CALN1: variants seen among roughly 807,000 people sequenced by gnomAD.
CALN1 encodes the protein calneuron 1, also known as calcium-binding protein 8.
CALN1 carries 17 observed loss-of-function variants against 30.6 expected under a neutral mutation model. The observed-to-expected ratio is 0.56, with a 90% CI of 0.38 to 0.83. CALN1 has a LOEUF of 0.83. Among genes scored for constraint, CALN1 ranks in the 40% least tolerant of loss-of-function variants. The pLI, the probability that CALN1 is intolerant of heterozygous loss-of-function variation, is 0.00. For missense variants in CALN1, 291 were observed against 354.9 expected, an observed-to-expected ratio of 0.82 and a Z score of 1.45; for synonymous variants, 156 against 131.4, an observed-to-expected ratio of 1.19 and a Z score of -1.28.
intron 5 of CALN1, among the ~76,000 whole-genome samples, chr7:71,845,100 T>C (rs1278761057): frequency 6.6e-6 from 1 of 152,082 alleles, no homozygotes; most frequent in Non-Finnish European, 1.5e-5. Flanking sequence ...GCCAGGCTGG[T>C]CTCGAACTCC....
intron 2 of CALN1, among the ~76,000 whole-genome samples, chr7:72,348,405 C>T (rs1327191139): frequency 3.9e-5 from 6 of 152,078 alleles, no homozygotes; most frequent in Admixed American, 3.9e-4. Flanking sequence ...ATTGAGGGAT[C>T]AGAGTTCATG....
rs1430534826 is a variant in CALN1 at position 72,036,069 on chromosome 7, AT to A, written c.389-12301del. ...CCCTCAGATTTTTGTTTATCTAAAA[AT>A]GTCTTAATTTCTCCCTCACCTTTGA... On this transcript the variant is annotated intron_variant, in intron 4 of 6. Transcript: ENST00000395275. Among the ~76,000 whole-genome samples, 3 of 152,236 alleles carry A rather than the reference AT, an allele frequency of 2.0e-5. No homozygotes were observed. In the East Asian group the frequency reaches 5.8e-4, roughly 29 times the overall value.
At chr7:72,375,584 A>G (rs1377537539) in intron 2 of CALN1, among the ~76,000 whole-genome samples, 7 of 146,186 alleles carry the variant, frequency 4.8e-5, no homozygotes, top group East Asian at 2.0e-4. Context: ...AAAAAAAAAG[A>G]AAAGGAAAAA....
At chr7:72,199,833 A>G (rs1791296361) in intron 3 of CALN1, among the ~76,000 whole-genome samples, 1 of 152,044 alleles carries the variant, frequency 6.6e-6, no homozygotes, top group African/African-American at 2.4e-5. Flanking sequence ...GAGTCCCAAC[A>G]AACAAAACAA....
At chr7:72,051,334 T>C (rs1037435089) in intron 4 of CALN1, among the ~76,000 whole-genome samples, 1 of 152,140 alleles carries the variant, frequency 6.6e-6, no homozygotes, top group African/African-American at 2.4e-5. Context: ...CTGTACTTTG[T>C]ATAACCAAAA....
chr7:72,014,372 C>T (rs1800262915), intron 5 of CALN1, among the ~76,000 whole-genome samples: 1 of 151,940 alleles, frequency 6.6e-6, no homozygotes, highest in South Asian at 2.1e-4. Context: ...CAGGCGTGAG[C>T]CACTGCAACC....
At chr7:72,096,259 G>T (rs1199924826) in intron 4 of CALN1, among the ~76,000 whole-genome samples, 1 of 152,058 alleles carries the variant, frequency 6.6e-6, no homozygotes, top group African/African-American at 2.4e-5. Flanking sequence ...CACTTTGAGG[G>T]CCACCTGCAT....
the CALN1 span, among the ~76,000 whole-genome samples, chr7:72,491,280 G>T: frequency 1.3e-5 from 2 of 151,666 alleles, no homozygotes; most frequent in Non-Finnish European, 2.9e-5. Context: ...CTCAAAAATT[G>T]GTGGTTGCCC....
At chr7:72,314,364 T>TACATAC (rs1554365665) in intron 2 of CALN1, among the ~76,000 whole-genome samples, 2 of 116,880 alleles carry the variant, frequency 1.7e-5, no homozygotes, top group Non-Finnish European at 3.1e-5. Context: ...TATATACATA[T>TACATAC]ACATATATAC....
At chr7:71,966,610 G>A (rs1410238498) in intron 5 of CALN1, among the ~76,000 whole-genome samples, 1 of 152,116 alleles carries the variant, frequency 6.6e-6, no homozygotes, top group Admixed American at 6.5e-5. Context: ...AGTTTCCTGA[G>A]GCTTTTTCAG....
chr7:71,805,651 T>C (rs10266999), intron 6 of CALN1, among the ~76,000 whole-genome samples: 32,432 of 151,062 alleles, frequency 0.21, 5,384 homozygotes, highest in East Asian at 0.6. Context: ...GTGTTGATCG[T>C]GAGGTCAGCT....
At chr7:72,484,452 G>A in the CALN1 span, among the ~76,000 whole-genome samples, 6 of 152,116 alleles carry the variant, frequency 3.9e-5, no homozygotes, top group African/African-American at 1.2e-4. Flanking sequence ...CTGGCTGGTG[G>A]GAACAGGCAC....
chr7:72,004,378 T>C (rs943306484), intron 5 of CALN1, among the ~76,000 whole-genome samples: 12 of 152,090 alleles, frequency 7.9e-5, no homozygotes, highest in Non-Finnish European at 1.8e-4. Flanking sequence ...TATCCAAAAA[T>C]TAACTAAATT....
chr7:72,084,712 A>G (rs947329503), intron 4 of CALN1, among the ~76,000 whole-genome samples: 2 of 152,144 alleles, frequency 1.3e-5, no homozygotes, highest in African/African-American at 4.8e-5. Context: ...GAAAGAAAAA[A>G]GTGATAAACT....
intron 3 of CALN1, among the ~76,000 whole-genome samples, chr7:72,271,731 A>G (rs1039757082): frequency 4.0e-5 from 6 of 151,264 alleles, no homozygotes; most frequent in Non-Finnish European, 5.9e-5. Flanking sequence ...GGTGTGAACA[A>G]CAGTGCCAGA....
intron 5 of CALN1, among the ~76,000 whole-genome samples, chr7:71,902,165 A>T (rs146157503): frequency 6.6e-6 from 1 of 152,136 alleles, no homozygotes; most frequent in African/African-American, 2.4e-5. Flanking sequence ...CGGAGCTTGC[A>T]GTGAGCTGAG....
At chr7:72,134,260 C>T (rs546691779) in intron 3 of CALN1, among the ~76,000 whole-genome samples, 71 of 152,300 alleles carry the variant, frequency 4.7e-4, no homozygotes, top group South Asian at 4.1e-3. Flanking sequence ...TCTCAACTTC[C>T]AGAATTGTGG....
intron 5 of CALN1, among the ~76,000 whole-genome samples, chr7:71,965,064 G>A (rs142224811): frequency 2.8e-3 from 426 of 152,200 alleles, no homozygotes; most frequent in Non-Finnish European, 5.1e-3. Context: ...GTCTCACTCT[G>A]TCCCCCAGGC....
intron 2 of CALN1, among the ~76,000 whole-genome samples, chr7:72,314,974 A>AT (rs1397751241): frequency 2.9e-5 from 4 of 139,130 alleles, no homozygotes; most frequent in African/African-American, 1.2e-4. Flanking sequence ...AGTGAGACCC[A>AT]TCTCTACAAA....
Sources: gnomAD v4.1 joint callset for allele counts (sites outside exome capture counted in the v4.1 genomes callset) on GRCh38, gnomAD v4.1.1 for gene constraint, MANE v1.5 for transcripts, NCBI Gene and HGNC (gene_info 2026-07-23, HGNC 2026-07-21) for gene names.